Variants in STAG1 observed in about 807,000 individuals in gnomAD.
STAG1 encodes the protein STAG1 cohesin complex component.
Under a neutral mutation model 170.9 loss-of-function variants are expected in STAG1, and 26 were observed. That is an observed-to-expected ratio of 0.15 (90% confidence interval 0.11 to 0.21). STAG1 has a LOEUF of 0.21. Among genes scored for constraint, STAG1 ranks in the 10% least tolerant of loss-of-function variants. The probability of loss-of-function intolerance (pLI) is 1.00; values close to 1 mark genes in which losing one functional copy is unlikely to be tolerated. For synonymous variants in STAG1, 514 were observed against 497.7 expected, an observed-to-expected ratio of 1.03 and a Z score of -0.44; for missense variants, 964 against 1,509.5, an observed-to-expected ratio of 0.64 and a Z score of 5.99.
intron 1 of STAG1, among the ~76,000 whole-genome samples, chr3:136,713,854 C>T (rs1277448649): frequency 6.6e-6 from 1 of 151,936 alleles, no homozygotes; most frequent in Non-Finnish European, 1.5e-5. Context: ...GAAACCTCGT[C>T]TCTATTAAAA....
chr3:136,539,350 G>A (rs900421114), intron 6 of STAG1, among the ~76,000 whole-genome samples: 2 of 151,994 alleles, frequency 1.3e-5, no homozygotes, highest in African/African-American at 4.8e-5. Context: ...AAGTACATAC[G>A]ATTAGACAGG....
In STAG1 at chr3:136,377,737, A is replaced by G; in HGVS notation, c.2293T>C (p.Leu765=). Residue 765 remains leucine (L), a synonymous_variant, in exon 23 of 34, where the codon TTG becomes CTG. Coordinates refer to ENST00000383202, the MANE Select transcript of STAG1 (RefSeq NM_005862.3). The part of the protein sequence containing the change: ...GSPSKEDLLV[L]RKTVKSFLAV... ...AAAAAGGATTTCACCGTTTTCCTCAATACCAACAAATCCTCCTGTAAGACA... is the reference window on the plus strand; with the variant it reads ...AAAAAGGATTTCACCGTTTTCCTCAGTACCAACAAATCCTCCTGTAAGACA... 1.9e-6 allele frequency: 3 copies of G among 1,614,028 alleles called. No homozygotes were observed. Among genetic ancestry groups the G allele is most frequent in the Middle Eastern group, 1.7e-4 (1 of 6,058 alleles).
intron 15 of STAG1, among the ~76,000 whole-genome samples, chr3:136,434,863 G>A (rs561438825): frequency 6.6e-6 from 1 of 151,922 alleles, no homozygotes; most frequent in South Asian, 2.1e-4. Flanking sequence ...GCTCACTTTT[G>A]TATTTTTAAC....
intron 1 of STAG1, among the ~76,000 whole-genome samples, chr3:136,739,318 A>T (rs1457994405): frequency 6.6e-6 from 1 of 151,938 alleles, no homozygotes; most frequent in East Asian, 1.9e-4. Context: ...GGAGTTCAAG[A>T]CCAACCTTGG....
chr3:136,681,902 C>T (rs1014639640), intron 1 of STAG1, among the ~76,000 whole-genome samples: 1 of 152,066 alleles, frequency 6.6e-6, no homozygotes, highest in East Asian at 1.9e-4. Flanking sequence ...ATATGAAATA[C>T]GCACAGCTAA....
At chr3:136,600,443 T>C (rs1042542123) in intron 4 of STAG1, among the ~76,000 whole-genome samples, 17 of 152,248 alleles carry the variant, frequency 1.1e-4, no homozygotes, top group Non-Finnish European at 2.4e-4. Context: ...AACCCAATCC[T>C]GTTCATCACT....
At chr3:136,713,852 G>A (rs979831186) in intron 1 of STAG1, among the ~76,000 whole-genome samples, 10 of 151,590 alleles carry the variant, frequency 6.6e-5, no homozygotes, top group African/African-American at 2.4e-4. Context: ...AAGAAACCTC[G>A]TCTCTATTAA....
chr3:136,495,609 G>A (rs1278795370), intron 9 of STAG1, among the ~76,000 whole-genome samples: 10 of 152,054 alleles, frequency 6.6e-5, no homozygotes, highest in Non-Finnish European at 1.2e-4. Flanking sequence ...AAGGTGGGTG[G>A]ATCACTTGAG....
At chr3:136,607,188 A>G (rs2040186622) in intron 3 of STAG1, among the ~76,000 whole-genome samples, 1 of 152,100 alleles carries the variant, frequency 6.6e-6, no homozygotes, top group Admixed American at 6.5e-5. Context: ...TACTCTTTCC[A>G]TAGTGTACCC....
chr3:136,707,201 T>C (rs1943252001), intron 1 of STAG1, among the ~76,000 whole-genome samples: 1 of 152,188 alleles, frequency 6.6e-6, no homozygotes, highest in Non-Finnish European at 1.5e-5. Context: ...AAAAATTATA[T>C]AAACTGGACC....
chr3:136,479,237 C>T (rs1295430151), intron 9 of STAG1, among the ~76,000 whole-genome samples: 1 of 118,900 alleles, frequency 8.4e-6, no homozygotes. Flanking sequence ...CTCCCCTGAC[C>T]CCACCACCGT....
intron 6 of STAG1, among the ~76,000 whole-genome samples, chr3:136,539,410 T>C (rs1935788750): frequency 6.6e-6 from 1 of 152,188 alleles, no homozygotes; most frequent in Admixed American, 6.5e-5. Flanking sequence ...AAGAGCACAA[T>C]ACACAAAAAT....
intron 1 of STAG1, among the ~76,000 whole-genome samples, chr3:136,669,385 G>C (rs189165553): frequency 9.2e-5 from 14 of 151,884 alleles, no homozygotes; most frequent in African/African-American, 3.4e-4. Flanking sequence ...ACGATGTCTT[G>C]CTCTGTCACC....
intron 1 of STAG1, among the ~76,000 whole-genome samples, chr3:136,725,054 T>C (rs1173154628): frequency 6.6e-6 from 1 of 152,214 alleles, no homozygotes. Context: ...AGGTTCCAAA[T>C]GGAAGTAGTC....
chr3:136,553,879 C>A (rs201952032), intron 5 of STAG1, among the ~76,000 whole-genome samples: 2 of 151,918 alleles, frequency 1.3e-5, no homozygotes, highest in Admixed American at 6.6e-5. Flanking sequence ...ACAGGAGGGG[C>A]AAAGAACAAC....
At chr3:136,532,331 T>A (rs1338901165) in intron 6 of STAG1, among the ~76,000 whole-genome samples, 2 of 152,130 alleles carry the variant, frequency 1.3e-5, no homozygotes, top group Admixed American at 1.3e-4. Context: ...TTCCTTTATG[T>A]TGTTGTTGTT....
chr3:136,635,503 T>G (rs1459374966), intron 1 of STAG1, among the ~76,000 whole-genome samples: 3 of 152,128 alleles, frequency 2.0e-5, no homozygotes, highest in Non-Finnish European at 2.9e-5. Flanking sequence ...ACGCTGCAGC[T>G]AACATCACAT....
intron 7 of STAG1, 95 bp from the exon 8 acceptor site, chr3:136,502,874 T>C: frequency 9.9e-7 from 1 of 1,007,756 alleles, no homozygotes; most frequent in South Asian, 3.2e-5. Context: ...GAAATGAAAC[T>C]AGTGAATTTC....
intron 1 of STAG1, among the ~76,000 whole-genome samples, chr3:136,705,489 A>G (rs1401360818): frequency 6.6e-6 from 1 of 151,910 alleles, no homozygotes; most frequent in African/African-American, 2.4e-5. Flanking sequence ...TGTAGCTCCC[A>G]TAATTCCCAC....
Sources: allele counts gnomAD v4.1 joint callset (sites outside exome capture counted in the v4.1 genomes callset), GRCh38; gene constraint gnomAD v4.1.1; transcripts MANE v1.5; gene names NCBI Gene and HGNC (gene_info 2026-07-23, HGNC 2026-07-21).